ITPR2: variants seen among roughly 807,000 people sequenced by gnomAD.
ITPR2 encodes inositol 1,4,5-trisphosphate-gated calcium channel ITPR2.
In ITPR2, 207 loss-of-function variants were observed where a neutral mutation model predicts 317.1. The ratio of observed to expected loss-of-function variants is 0.65; its 90% CI spans 0.58 to 0.73. The LOEUF (loss-of-function observed/expected upper bound fraction) is 0.73, where lower values mean the gene tolerates loss of function less well. ITPR2 is among the 30% of genes least tolerant of loss of function. The pLI, the probability that ITPR2 is intolerant of heterozygous loss-of-function variation, is 0.00. For missense variants in ITPR2, 2,613 were observed against 3,284.0 expected, an observed-to-expected ratio of 0.80 and a Z score of 4.99; for synonymous variants, 1,156 against 1,149.1, an observed-to-expected ratio of 1.01 and a Z score of -0.12.
At chr12:26,387,968 G>C (rs998509647) in intron 54 of ITPR2, among the ~76,000 whole-genome samples, 1 of 150,638 alleles carries the variant, frequency 6.6e-6, no homozygotes, top group African/African-American at 2.4e-5. Context: ...TGCTAATCAG[G>C]ACAGAAAAAA....
intron 37 of ITPR2, among the ~76,000 whole-genome samples, chr12:26,530,271 T>C (rs1179406445): frequency 6.6e-6 from 1 of 152,112 alleles, no homozygotes; most frequent in African/African-American, 2.4e-5. Context: ...CCAGCTAACA[T>C]CTCAAACACT....
chr12:26,695,416 C>T (rs1948322183), intron 10 of ITPR2, among the ~76,000 whole-genome samples, 190 bp downstream of exon 10: 1 of 152,152 alleles, frequency 6.6e-6, no homozygotes, highest in Non-Finnish European at 1.5e-5. Context: ...CAGAACTCTT[C>T]CCAAGCACCC....
chr12:26,507,803 T>C (rs1591839470), intron 37 of ITPR2, among the ~76,000 whole-genome samples: 3 of 152,020 alleles, frequency 2.0e-5, no homozygotes, highest in Middle Eastern at 6.8e-3. Context: ...GCTGATCTAA[T>C]ACTCCTAAGG....
At chr12:26,587,577 G>A (rs1323534807) in intron 32 of ITPR2, among the ~76,000 whole-genome samples, 3 of 152,300 alleles carry the variant, frequency 2.0e-5, no homozygotes, top group Non-Finnish European at 4.4e-5. Context: ...TAGCTAGGGG[G>A]AGAATAAGAG....
chr12:26,759,540 C>T (rs1346088545), intron 2 of ITPR2, among the ~76,000 whole-genome samples: 1 of 152,086 alleles, frequency 6.6e-6, no homozygotes, highest in Non-Finnish European at 1.5e-5. Context: ...TGGCAAATAC[C>T]AAGTAAATCT....
At chr12:26,468,490 C>T (rs1348317527) in intron 45 of ITPR2, among the ~76,000 whole-genome samples, 1 of 150,542 alleles carries the variant, frequency 6.6e-6, no homozygotes, top group Non-Finnish European at 1.5e-5. Context: ...AGCATGCATG[C>T]ATTTTTGCCA....
rs1304567049 is a variant in ITPR2 at position 26,745,852 on chromosome 12, T to A, written c.164-20087A>T. Among the ~76,000 whole-genome samples the A allele has an allele frequency of 2.0e-5, 3 of 152,180 alleles. No individual in the cohort carries two copies. The East Asian group carries it at 5.8e-4, about 29-fold the overall frequency. ...ACTGGCATAATAGATATTCAATAAA[T>A]GCCAATTTAATTGAAATTTAATGAG... On this transcript the variant is annotated intron_variant, in intron 2 of 56. Coordinates refer to ENST00000381340, the MANE Select transcript of ITPR2 (RefSeq NM_002223.4).
chr12:26,602,542 T>G, intron 27 of ITPR2, 47 bp from the exon 28 acceptor site: 1 of 1,573,866 alleles, frequency 6.4e-7, no homozygotes, highest in Non-Finnish European at 8.7e-7. Context: ...ATAACAATAT[T>G]AAGTATAATA....
Position 26,725,692 on chromosome 12 carries a change from T to C in ITPR2, c.237A>G (p.Lys79=). ...QKQYWKAKQA[K]QGNHTEAALL... is the part of the protein sequence containing the mutation. ...AGGCTGCCTCGGTGTGGTTCCCTTG[T>C]TTGGCTTGCTTTGCTTTCCAATATT... The change falls in exon 3 of 57, where the codon AAA becomes AAG. Residue 79 remains lysine, a synonymous_variant. Coordinates refer to ENST00000381340, the MANE Select transcript of ITPR2 (RefSeq NM_002223.4). 1 of 1,613,448 alleles carries C rather than the reference T, an allele frequency of 6.2e-7. No homozygotes were observed. Among genetic ancestry groups the C allele is most frequent in the Non-Finnish European group, 8.5e-7 (1 of 1,179,546 alleles).
chr12:26,461,655 T>C (rs1280055051), intron 45 of ITPR2, among the ~76,000 whole-genome samples: 1 of 107,730 alleles, frequency 9.3e-6, no homozygotes, highest in Non-Finnish European at 1.9e-5. Flanking sequence ...TATATATATA[T>C]ATATATATAT....
At chr12:26,705,877 C>T (rs959320574) in intron 9 of ITPR2, among the ~76,000 whole-genome samples, 3 of 152,182 alleles carry the variant, frequency 2.0e-5, no homozygotes, top group Non-Finnish European at 4.4e-5. Context: ...CTGTTGATGA[C>T]CTTTCCAAAG....
chr12:26,796,667 G>A (rs956802104), intron 1 of ITPR2, among the ~76,000 whole-genome samples: 2 of 152,056 alleles, frequency 1.3e-5, no homozygotes, highest in African/African-American at 4.8e-5. Context: ...GAGTGTTCAC[G>A]GCAAAACTGT....
At chr12:26,669,764 C>T (rs184745814) in intron 13 of ITPR2, among the ~76,000 whole-genome samples, 55 of 152,356 alleles carry the variant, frequency 3.6e-4, no homozygotes, top group Admixed American at 3.0e-3. Flanking sequence ...ACTCAGGAAG[C>T]GCAAGGGGTC....
At chr12:26,807,135 G>GC (rs536302338) in intron 1 of ITPR2, among the ~76,000 whole-genome samples, 1 of 151,960 alleles carries the variant, frequency 6.6e-6, no homozygotes, top group South Asian at 2.1e-4. Context: ...GTTGCAGTGA[G>GC]CCGAGATTAC....
At chr12:26,653,948 A>T in intron 21 of ITPR2, 28 bp downstream of exon 21, 1 of 1,571,176 alleles carries the variant, frequency 6.4e-7, no homozygotes, top group Non-Finnish European at 8.7e-7. Context: ...AATAACAATG[A>T]TATTATCACA....
chr12:26,607,855 C>T lies in ITPR2; in HGVS notation c.3463-5149G>A, dbSNP rs990519087. On this transcript the variant is annotated intron_variant, in intron 26 of 56. Coordinates refer to ENST00000381340, the MANE Select transcript of ITPR2 (RefSeq NM_002223.4). ...CAGCACTTTGGGAGGCCGAGGCAGG[C>T]GGATCACAAGGTCAGGAGATCGAGA... Among the ~76,000 whole-genome samples the T allele has an allele frequency of 5.9e-5, 9 of 152,018 alleles. No individual in the cohort carries two copies. In the South Asian group the frequency reaches 1.7e-3, roughly 28 times the overall value.
At chr12:26,475,518 A>T (rs1169171363) in intron 44 of ITPR2, 100 bp from the exon 45 acceptor site, 5 of 1,256,404 alleles carry the variant, frequency 4.0e-6, no homozygotes, top group Non-Finnish European at 5.5e-6. Context: ...TAAGCCTCAA[A>T]AGTATAAAAG....
intron 21 of ITPR2, among the ~76,000 whole-genome samples, chr12:26,652,621 T>C (rs1047800505): frequency 5.9e-5 from 9 of 152,180 alleles, no homozygotes; most frequent in African/African-American, 1.4e-4. Flanking sequence ...GGCCAGACTC[T>C]TACCCAATGT....
intron 47 of ITPR2, among the ~76,000 whole-genome samples, chr12:26,438,650 T>C (rs1941416047): frequency 2.0e-5 from 3 of 152,218 alleles, no homozygotes; most frequent in Admixed American, 2.0e-4. Context: ...TTATCATATG[T>C]ATAACTTGTT....
Sources: gnomAD v4.1 joint callset for allele counts (sites outside exome capture counted in the v4.1 genomes callset) on GRCh38, gnomAD v4.1.1 for gene constraint, MANE v1.5 for transcripts, NCBI Gene and HGNC (gene_info 2026-07-23, HGNC 2026-07-21) for gene names.